Variants in TSPAN5 observed in about 807,000 individuals in gnomAD.
TSPAN5 encodes the protein tetraspanin 5.
In TSPAN5, 10 loss-of-function variants were observed where a neutral mutation model predicts 37.1. The observed-to-expected ratio is 0.27, with a 90% CI of 0.17 to 0.46. The LOEUF is 0.46. Among genes scored for constraint, TSPAN5 ranks in the 20% least tolerant of loss-of-function variants. The pLI is 1.00. For missense variants in TSPAN5, 195 were observed against 326.6 expected (o/e 0.60, Z 3.11); for synonymous variants, 110 against 118.9 (o/e 0.93, Z 0.48).
chr4:98,529,111 G>A (rs975048047), intron 1 of TSPAN5, among the ~76,000 whole-genome samples: 5 of 152,128 alleles, frequency 3.3e-5, no homozygotes, highest in Non-Finnish European at 5.9e-5. Context: ...TGTGTGGCAC[G>A]CTGTGATACC....
intron 1 of TSPAN5, among the ~76,000 whole-genome samples, chr4:98,604,211 C>T (rs954634528): frequency 6.6e-6 from 1 of 152,110 alleles, no homozygotes; most frequent in Non-Finnish European, 1.5e-5. Context: ...GAAGCCAAAA[C>T]TCAGTTCATG....
intron 1 of TSPAN5, among the ~76,000 whole-genome samples, chr4:98,557,595 T>C (rs1364609091): frequency 6.6e-6 from 1 of 152,238 alleles, no homozygotes; most frequent in African/African-American, 2.4e-5. Flanking sequence ...GTAAATATTC[T>C]GCCCACAACT....
At chr4:98,488,247 A>G (rs887682402) in intron 2 of TSPAN5, among the ~76,000 whole-genome samples, 1 of 152,176 alleles carries the variant, frequency 6.6e-6, no homozygotes, top group Non-Finnish European at 1.5e-5. Context: ...AGTACTTCCC[A>G]GTCAGCACTA....
chr4:98,640,437 AAAAAC>A (rs1189325036), intron 1 of TSPAN5, among the ~76,000 whole-genome samples: 2 of 152,228 alleles, frequency 1.3e-5, no homozygotes, highest in African/African-American at 4.8e-5. Flanking sequence ...ACCATTTTAA[AAAAAC>A]AAAACAAAAC....
chr4:98,616,537 T>A (rs1053558572), intron 1 of TSPAN5, among the ~76,000 whole-genome samples: 3 of 152,160 alleles, frequency 2.0e-5, no homozygotes, highest in Admixed American at 6.5e-5. Flanking sequence ...CAAGAGGCGC[T>A]GGATGGCAAG....
chr4:98,541,988 C>A (rs1249704441), intron 1 of TSPAN5, among the ~76,000 whole-genome samples: 1 of 152,190 alleles, frequency 6.6e-6, no homozygotes, highest in Non-Finnish European at 1.5e-5. Context: ...ACAAAATGCT[C>A]TCATTTCCTT....
rs373285784 is a variant in TSPAN5, at chr4:98,548,886, G to GGGGGGTGTGTGT, written c.82-41159_82-41158insACACACACCCCC. ...TTTTTATCGCTGCATAGTATTCCAA[G>GGGGGGTGTGTGT]GTGTGTGTGTGTGTGTGTGTGTGTG... is the stretch of plus-strand genomic sequence containing the variant. On this transcript the variant is annotated intron_variant, in intron 1 of 7. Coordinates refer to ENST00000305798, the MANE Select transcript of TSPAN5 (RefSeq NM_005723.4). Among the ~76,000 whole-genome samples the GGGGGGTGTGTGT allele has an allele frequency of 6.1e-4, 35 of 57,464 alleles. No homozygotes were observed. In the South Asian group the frequency reaches 0.013, roughly 21 times the overall value. The allele number at this position is 57,464 out of a possible 152,430, so 37.7% of individuals were successfully genotyped here. A position where few individuals can be genotyped will look rare whatever the true frequency, so the allele number is the denominator to read the frequency against.
intron 1 of TSPAN5, among the ~76,000 whole-genome samples, chr4:98,541,450 A>G (rs1340439082): frequency 8.5e-5 from 13 of 152,146 alleles, no homozygotes; most frequent in African/African-American, 2.4e-4. Flanking sequence ...TGAGGCAGGC[A>G]GATCACTTGA....
At chr4:98,480,400 T>G (rs1752811767) in intron 4 of TSPAN5, among the ~76,000 whole-genome samples, 1 of 152,232 alleles carries the variant, frequency 6.6e-6, no homozygotes, top group South Asian at 2.1e-4. Context: ...AAAGTCAGTC[T>G]TCCAATTAAA....
intron 1 of TSPAN5, among the ~76,000 whole-genome samples, chr4:98,527,176 A>G (rs1486879863): frequency 6.6e-6 from 1 of 152,214 alleles, no homozygotes. Context: ...GACAGGTTAT[A>G]TAACCAGCCC....
chr4:98,485,077 C>G (rs1752931084), intron 3 of TSPAN5: 1 of 153,540 alleles, frequency 6.5e-6, no homozygotes, highest in Admixed American at 6.5e-5. Flanking sequence ...CACACCATTG[C>G]ACTCCAGCCT....
At chr4:98,514,584 C>A (rs1356163187) in intron 1 of TSPAN5, among the ~76,000 whole-genome samples, 1 of 152,196 alleles carries the variant, frequency 6.6e-6, no homozygotes, top group Non-Finnish European at 1.5e-5. Flanking sequence ...AAAGCTCAAA[C>A]TGTAAACAGG....
At chr4:98,658,102 C>A in intron 1 of TSPAN5, 44 bp downstream of exon 1, 4 of 1,538,056 alleles carry the variant, frequency 2.6e-6, no homozygotes, top group South Asian at 1.1e-5. Context: ...CGTCGCGAAT[C>A]GATCGGCCAC....
chr4:98,651,786 T>C (rs1187796640), intron 1 of TSPAN5, among the ~76,000 whole-genome samples: 1 of 151,852 alleles, frequency 6.6e-6, no homozygotes, highest in Non-Finnish European at 1.5e-5. Flanking sequence ...CAATGGAGAA[T>C]GCTTCACTGA....
intron 1 of TSPAN5, among the ~76,000 whole-genome samples, chr4:98,524,457 A>C (rs1476282389): frequency 1.3e-5 from 2 of 152,208 alleles, no homozygotes; most frequent in South Asian, 4.1e-4. Flanking sequence ...AGGAGACCCT[A>C]GGTGATTAAT....
intron 1 of TSPAN5, among the ~76,000 whole-genome samples, chr4:98,554,186 A>C (rs1256016841): frequency 6.6e-6 from 1 of 152,238 alleles, no homozygotes; most frequent in East Asian, 1.9e-4. Flanking sequence ...TTATACTTGA[A>C]CAATAAATAT....
At chr4:98,520,531 T>C (rs1578963245) in intron 1 of TSPAN5, among the ~76,000 whole-genome samples, 1 of 152,136 alleles carries the variant, frequency 6.6e-6, no homozygotes, top group African/African-American at 2.4e-5. Context: ...TGTTACACAA[T>C]GTGTTCCAAA....
intron 1 of TSPAN5, among the ~76,000 whole-genome samples, chr4:98,644,123 T>C (rs144555507): frequency 6.6e-6 from 1 of 152,196 alleles, no homozygotes; most frequent in East Asian, 1.9e-4. Flanking sequence ...TTGATTTATT[T>C]TTTTTTTCTG....
intron 1 of TSPAN5, among the ~76,000 whole-genome samples, chr4:98,556,621 A>T (rs958214213): frequency 3.9e-5 from 6 of 152,212 alleles, no homozygotes; most frequent in Admixed American, 3.9e-4. Flanking sequence ...ACATTCTTTT[A>T]CTACTTATTC....
Sources: gnomAD v4.1 joint callset for allele counts (sites outside exome capture counted in the v4.1 genomes callset) on GRCh38, gnomAD v4.1.1 for gene constraint, MANE v1.5 for transcripts, NCBI Gene and HGNC (gene_info 2026-07-23, HGNC 2026-07-21) for gene names.